CPED1: variants seen among roughly 807,000 people sequenced by gnomAD.
The protein encoded by CPED1 is cadherin like and PC-esterase domain containing 1, also known as cadherin-like and PC-esterase domain-containing protein 1.
In CPED1, 114 loss-of-function variants were observed where a neutral mutation model predicts 128.2. That is an observed-to-expected ratio of 0.89 (90% confidence interval 0.76 to 1.04). The LOEUF (loss-of-function observed/expected upper bound fraction) is 1.04. Ranked by LOEUF, CPED1 falls within the 50% of genes least tolerant of loss-of-function variation. CPED1 has a pLI of 0.00. For synonymous variants in CPED1, 462 were observed against 426.7 expected, an observed-to-expected ratio of 1.08 and a Z score of -1.02; for missense variants, 1,211 against 1,207.1, an observed-to-expected ratio of 1.00 and a Z score of -0.05.
intron 6 of CPED1, among the ~76,000 whole-genome samples, chr7:121,098,818 T>C (rs1432686639): frequency 7.2e-6 from 1 of 138,780 alleles, no homozygotes; most frequent in African/African-American, 2.9e-5. Flanking sequence ...ATAAATAATA[T>C]ATATATAAAT....
chr7:121,068,756 G>A (rs1244349314), intron 5 of CPED1, among the ~76,000 whole-genome samples: 1 of 151,706 alleles, frequency 6.6e-6, no homozygotes, highest in African/African-American at 2.4e-5. Context: ...AGCATGGAAT[G>A]TTCTTCCATT....
chr7:121,068,423 G>A (rs996744007), intron 5 of CPED1, among the ~76,000 whole-genome samples: 19 of 152,024 alleles, frequency 1.2e-4, no homozygotes, highest in Admixed American at 5.9e-4. Flanking sequence ...TCAGATAGTT[G>A]TAGATATGTG....
chr7:121,005,696 T>A (rs1791994086), intron 2 of CPED1, among the ~76,000 whole-genome samples: 1 of 152,072 alleles, frequency 6.6e-6, no homozygotes, highest in Admixed American at 6.5e-5. Context: ...ATTCCCCATT[T>A]AAAAAAAATT....
At chr7:121,024,750 C>T (rs1296377568) in intron 3 of CPED1, among the ~76,000 whole-genome samples, 1 of 152,048 alleles carries the variant, frequency 6.6e-6, no homozygotes, top group Non-Finnish European at 1.5e-5. Context: ...TTGGTTTTGC[C>T]TAAACTGTGC....
intron 7 of CPED1, among the ~76,000 whole-genome samples, chr7:121,102,154 T>C (rs1006417746): frequency 2.6e-4 from 40 of 152,224 alleles, no homozygotes; most frequent in African/African-American, 8.2e-4. Context: ...TGACTTCTTT[T>C]TCACATTTTA....
intron 16 of CPED1, among the ~76,000 whole-genome samples, chr7:121,149,843 G>T (rs777982387): frequency 4.6e-5 from 7 of 152,152 alleles, no homozygotes; most frequent in Non-Finnish European, 8.8e-5. Context: ...AGCTAAAACA[G>T]AAGTAGAGGG....
chr7:121,086,218 T>A (rs1285139924), intron 5 of CPED1, among the ~76,000 whole-genome samples: 9 of 152,140 alleles, frequency 5.9e-5, no homozygotes, highest in Non-Finnish European at 4.4e-5. Flanking sequence ...TCAACTGTAT[T>A]TGTAGCAGGC....
intron 16 of CPED1, among the ~76,000 whole-genome samples, chr7:121,221,205 C>A (rs1797868710): frequency 6.6e-6 from 1 of 152,064 alleles, no homozygotes; most frequent in African/African-American, 2.4e-5. Flanking sequence ...TGAGTGAGAA[C>A]ATGCAGTGTT....
intron 21 of CPED1, among the ~76,000 whole-genome samples, chr7:121,268,205 T>C (rs1792167751): frequency 6.6e-6 from 1 of 152,048 alleles, no homozygotes; most frequent in Non-Finnish European, 1.5e-5. Context: ...ATCCCTTTAA[T>C]GTTATTTGAA....
intron 16 of CPED1, among the ~76,000 whole-genome samples, chr7:121,167,898 A>AT (rs1450578981): frequency 4.6e-5 from 7 of 151,252 alleles, no homozygotes; most frequent in Admixed American, 4.0e-4. Context: ...TGCCCGGCTA[A>AT]TTTTTTTTGT....
At chr7:121,162,445 T>G (rs555917530) in intron 16 of CPED1, among the ~76,000 whole-genome samples, 2 of 152,338 alleles carry the variant, frequency 1.3e-5, no homozygotes, top group South Asian at 4.1e-4. Flanking sequence ...GAACATCAGT[T>G]CATGTCTTCT....
intron 18 of CPED1, among the ~76,000 whole-genome samples, chr7:121,249,857 C>T (rs1005513592): frequency 1.3e-5 from 2 of 152,068 alleles, no homozygotes; most frequent in African/African-American, 4.8e-5. Flanking sequence ...CTTAGACTCC[C>T]ACACAATAAT....
At chr7:121,016,947 G>A (rs192345300) in intron 3 of CPED1, among the ~76,000 whole-genome samples, 8 of 152,288 alleles carry the variant, frequency 5.3e-5, no homozygotes, top group Non-Finnish European at 7.4e-5. Context: ...CATCATCACA[G>A]CACTCCTTCA....
intron 16 of CPED1, among the ~76,000 whole-genome samples, chr7:121,209,709 T>C (rs1373508258): frequency 6.6e-6 from 1 of 151,988 alleles, no homozygotes; most frequent in Non-Finnish European, 1.5e-5. Context: ...ATTTCTTGAG[T>C]AATTCCCCAA....
rs1355369664 is a variant in CPED1 at position 121,140,945 on chromosome 7, A to G, written c.1818A>G (p.Thr606=). The G allele has an allele frequency of 6.2e-7, 1 of 1,612,686 alleles. No individual in the cohort carries two copies. Among genetic ancestry groups the G allele is most frequent in the South Asian group, 1.1e-5 (1 of 91,010 alleles). The change falls in exon 15 of 23, where the codon ACA becomes ACG. Residue 606 remains threonine, a synonymous_variant. Transcript: ENST00000310396. ...YYCEVPFDVV[T]VTIGVETPKC... ...GTGAAGTCCCATTTGATGTGGTAACAGTGACAATTGGAGTGGAAACTCCTA... is the reference window on the plus strand; with the variant it reads ...GTGAAGTCCCATTTGATGTGGTAACGGTGACAATTGGAGTGGAAACTCCTA...
chr7:121,029,388 A>C (rs1792675011), intron 3 of CPED1, among the ~76,000 whole-genome samples: 1 of 152,200 alleles, frequency 6.6e-6, no homozygotes. Flanking sequence ...AAGATTGAGG[A>C]CTTTACCTGT....
chr7:121,292,734 A>G (rs1276130819), intron 22 of CPED1, among the ~76,000 whole-genome samples: 2 of 151,830 alleles, frequency 1.3e-5, no homozygotes, highest in Non-Finnish European at 2.9e-5. Context: ...TGTTGATGCT[A>G]TTGCTTTCTG....
intron 2 of CPED1, among the ~76,000 whole-genome samples, chr7:121,013,876 T>C (rs1409988801): frequency 6.6e-6 from 1 of 152,254 alleles, no homozygotes; most frequent in African/African-American, 2.4e-5. Context: ...GGTGCTATAA[T>C]TCATTAATTT....
intron 16 of CPED1, among the ~76,000 whole-genome samples, chr7:121,158,548 G>A (rs1796341522): frequency 6.6e-6 from 1 of 151,482 alleles, no homozygotes; most frequent in South Asian, 2.1e-4. Context: ...GGGAGACACA[G>A]AGTCCCTTAT....
Sources: gnomAD v4.1 joint callset for allele counts (sites outside exome capture counted in the v4.1 genomes callset) on GRCh38, gnomAD v4.1.1 for gene constraint, MANE v1.5 for transcripts, NCBI Gene and HGNC (gene_info 2026-07-23, HGNC 2026-07-21) for gene names.